Variants in ATP6V0B observed in about 807,000 individuals in gnomAD.
ATP6V0B encodes the protein V-type proton ATPase 21 kDa proteolipid subunit c''.
ATP6V0B carries 4 observed loss-of-function variants against 26.2 expected under a neutral mutation model. That is an observed-to-expected ratio of 0.15 (90% CI 0.08 to 0.35). The LOEUF (loss-of-function observed/expected upper bound fraction) is 0.35, where lower values mean the gene tolerates loss of function less well. Ranked by LOEUF, ATP6V0B falls within the 10% of genes least tolerant of loss-of-function variation. The pLI is 1.00. For synonymous variants in ATP6V0B, 110 were observed against 105.8 expected, an observed-to-expected ratio of 1.04 and a Z score of -0.24; for missense variants, 175 against 272.5, an observed-to-expected ratio of 0.64 and a Z score of 2.52.
Position 43,977,253 on chromosome 1 carries a change from C to T in ATP6V0B, c.591+37C>T, listed in dbSNP as rs1368868197. 4 of 1,614,170 alleles carry T rather than the reference C, an allele frequency of 2.5e-6. No individual in the cohort carries two copies. In the South Asian group the frequency reaches 3.3e-5, roughly 13 times the overall value. ...CCTTGGGAAGCCTCTGTGTCCTTGT[C>T]CCCAACCTAGCCTTACCCTCCTTCT... is the stretch of plus-strand genomic sequence containing the variant. On this transcript the variant is annotated intron_variant, in intron 7 of 7. Transcript: ENST00000472174.
rs771030788 is a variant in ATP6V0B at position 43,976,125 on chromosome 1, A to G, written c.152A>G (p.Asn51Ser). 25 of 1,613,846 alleles carry G rather than the reference A, an allele frequency of 1.5e-5. No homozygotes were observed. Among genetic ancestry groups the G allele is most frequent in the Middle Eastern group, 1.6e-4 (1 of 6,082 alleles). ...LTETSPFMWSNLGIGLAISLS... is the reference protein window; with the variant it reads ...LTETSPFMWSSLGIGLAISLS... The stretch of plus-strand genomic sequence containing the variant: ...GAGACTTCGCCCTTCATGTGGTCCA[A>G]CCTGGGCATTGGCCTAGCTATCTCC... Residue 51 changes from asparagine to serine, a missense_variant, in exon 3 of 8, where the codon AAC becomes AGC. This residue lies in a region of ATP6V0B where 75 missense variants were observed against 94.7 expected (regional missense o/e 0.79). Coordinates refer to ENST00000472174, the MANE Select transcript of ATP6V0B (RefSeq NM_004047.5). The surrounding 1 kb of genome is among the most constrained non-coding windows in gnomAD (Gnocchi z 4.6).
At position 43,975,980 on chromosome 1, in the gene ATP6V0B, T is replaced by C; in HGVS notation, c.117-110T>C. ...GGACCTTTGGGAAATACGCGGTCAG[T>C]TGTTGCCTGTAGAACTGGTGGTGGG... is the stretch of plus-strand genomic sequence containing the variant. On this transcript the variant is annotated intron_variant, in intron 2 of 7. Coordinates refer to ENST00000472174, the MANE Select transcript of ATP6V0B (RefSeq NM_004047.5). 4.6e-6 allele frequency: 7 copies of C among 1,519,586 alleles called. No homozygotes were observed. The East Asian group carries it at 6.8e-5, about 15-fold the overall frequency. 94.1% of individuals were successfully genotyped at this position (1,519,586 alleles called of 1,614,324 possible).
Position 43,975,842 on chromosome 1 carries a change from T to C in ATP6V0B, c.110T>C (p.Val37Ala). The change falls in exon 2 of 8, where the codon GTG becomes GCG. Residue 37 changes from valine (V) to alanine (A), a missense_variant. Val to Ala is a moderately conservative substitution (Grantham distance 64). Around this residue, in one of 3 missense-constraint regions of ATP6V0B, gnomAD observed 75 missense variants for 94.7 expected, o/e 0.79. Transcript: ENST00000472174. ...TIFDLGFRFDVAWFLTETSPF... is the reference protein window; with the variant it reads ...TIFDLGFRFDAAWFLTETSPF... ...TTTGATTTGGGCTTCCGCTTTGATGTGGCATGGTAAGGGAGGGCAGGGGGA... is the reference window on the plus strand; with the variant it reads ...TTTGATTTGGGCTTCCGCTTTGATGCGGCATGGTAAGGGAGGGCAGGGGGA... 3 of 1,599,936 alleles carry C rather than the reference T, an allele frequency of 1.9e-6. No individual in the cohort carries two copies. The highest frequency in any genetic ancestry group is 2.6e-6 in the Non-Finnish European group (3 of 1,172,000).
chr1:43,975,980 T>G, intron 2 of ATP6V0B, 110 bp from the exon 3 acceptor site: 2 of 1,519,586 alleles, frequency 1.3e-6, no homozygotes, highest in Non-Finnish European at 1.8e-6. Context: ...ACGCGGTCAG[T>G]TGTTGCCTGT....
rs1231258428 is a variant in ATP6V0B at position 43,977,468 on chromosome 1, G to C, written c.591+252G>C. 6.3e-6 allele frequency: 9 copies of C among 1,431,222 alleles called. No individual in the cohort carries two copies. In the East Asian group the frequency reaches 2.3e-4, roughly 36 times the overall value. 88.7% of individuals were successfully genotyped at this position (1,431,222 alleles called of 1,614,324 possible). On this transcript the variant is annotated intron_variant, in intron 7 of 7. Transcript: ENST00000472174. ...ATGCGTTGTATCTGTATAGCACTTAGTCCTCCCTCTTTCTGTTCTCTCATT... is the reference window on the plus strand; with the variant it reads ...ATGCGTTGTATCTGTATAGCACTTACTCCTCCCTCTTTCTGTTCTCTCATT...
At position 43,978,222 on chromosome 1, in the gene ATP6V0B, C is replaced by T; in HGVS notation, c.*215C>T. 3 of 639,200 alleles carry T rather than the reference C, an allele frequency of 4.7e-6. No individual in the cohort carries two copies. Among genetic ancestry groups the T allele is most frequent in the Admixed American group, 5.5e-5 (2 of 36,166 alleles). 39.6% of individuals were successfully genotyped at this position (639,200 alleles called of 1,614,324 possible). A position where few individuals can be genotyped will look rare whatever the true frequency, so the allele number is the denominator to read the frequency against. On this transcript the variant is annotated 3_prime_UTR_variant, in exon 8 of 8. Transcript: ENST00000472174. ...GCTGCTGACTCTGTGCAGCTGCGCA[C>T]CTGTGTCCCCCACCTCCACCCTCAA...
chr1:43,975,277 T>C (rs1160825413), intron 1 of ATP6V0B, 170 bp downstream of exon 1: 1 of 873,180 alleles, frequency 1.1e-6, no homozygotes, highest in East Asian at 3.0e-5. Flanking sequence ...GAGACCCGGA[T>C]TTCCAGCTGC....
chr1:43,975,908 T>C, intron 2 of ATP6V0B, 60 bp downstream of exon 2: 7 of 1,538,532 alleles, frequency 4.5e-6, no homozygotes, highest in Non-Finnish European at 6.2e-6. Context: ...CTCTCTTCTT[T>C]TCTCTGGTCT....
Position 43,977,095 on chromosome 1 carries a change from T to C in ATP6V0B, c.470T>C (p.Ile157Thr). The C allele has an allele frequency of 6.2e-7, 1 of 1,614,224 alleles. No individual in the cohort carries two copies. Among genetic ancestry groups the C allele is most frequent in the Non-Finnish European group, 8.5e-7 (1 of 1,180,030 alleles). Residue 157 changes from isoleucine to threonine, a missense_variant, in exon 7 of 8, where the codon ATC becomes ACC. By Grantham distance (89) the Ile-to-Thr change is moderately conservative. Around this residue, in one of 3 missense-constraint regions of ATP6V0B, gnomAD observed 97 missense variants for 158.0 expected, o/e 0.61. Coordinates refer to ENST00000472174, the MANE Select transcript of ATP6V0B (RefSeq NM_004047.5). ...CTCTTCTGTGGAGTCTGCGTGGGCA[T>C]CGTGGGCAGTGGGGCTGCCCTGGCC... ...SNLFCGVCVG[I>T]VGSGAALADA...
intron 7 of ATP6V0B, 135 bp downstream of exon 7, chr1:43,977,351 C>T (rs771277832): frequency 2.6e-6 from 4 of 1,556,586 alleles, no homozygotes; most frequent in Non-Finnish European, 3.5e-6. Flanking sequence ...CTCCTCATTT[C>T]CATCTTCTGG....
In ATP6V0B at chr1:43,976,890, C is replaced by T; in HGVS notation, c.400+66C>T. 1 of 1,605,402 alleles carries T rather than the reference C, an allele frequency of 6.2e-7. No homozygotes were observed. The highest frequency in any genetic ancestry group is 2.2e-5 in the East Asian group (1 of 44,838). Reference sequence around the variant, plus strand: ...ATGCCTGCTTCCACTCTCCCCCATCCCAGCTTGGGCCATCATTTTGATATT... The same window carrying T: ...ATGCCTGCTTCCACTCTCCCCCATCTCAGCTTGGGCCATCATTTTGATATT... On this transcript the variant is annotated intron_variant, in intron 6 of 7. Coordinates refer to ENST00000472174, the MANE Select transcript of ATP6V0B (RefSeq NM_004047.5). This position sits in a 1 kb window ranked among gnomAD's most constrained non-coding sequence, Gnocchi z 4.6.
Position 43,976,683 on chromosome 1 carries a change from G to A in ATP6V0B, c.348+24G>A, listed in dbSNP as rs372745081. On this transcript the variant is annotated intron_variant, in intron 5 of 7. Transcript: ENST00000472174. This position sits in a 1 kb window ranked among gnomAD's most constrained non-coding sequence, Gnocchi z 4.6. ...AGGTATGGAAGGCCAGGGTGGTGGC[G>A]GGAATCCATTCCAGTGTGTTCTACA... 7.1e-5 allele frequency: 114 copies of A among 1,613,850 alleles called. No homozygotes were observed. The Admixed American group carries it at 1.5e-3, about 22-fold the overall frequency.
chr1:43,975,216 A>T, intron 1 of ATP6V0B, 109 bp downstream of exon 1: 1 of 1,283,586 alleles, frequency 7.8e-7, no homozygotes, highest in East Asian at 3.0e-5. Context: ...CGCGCTCTGC[A>T]CCCGAGGCTC....
Position 43,978,037 on chromosome 1 carries a change from C to A in ATP6V0B, c.*30C>A, listed in dbSNP as rs56842927. On this transcript the variant is annotated 3_prime_UTR_variant, in exon 8 of 8. Coordinates refer to ENST00000472174, the MANE Select transcript of ATP6V0B (RefSeq NM_004047.5). Reference sequence around the variant, plus strand: ...TATGTGTGGGTGGGGCCGTGCCTCACTTTTATTTATTGCTGGTTTTCCTGG... The same window carrying A: ...TATGTGTGGGTGGGGCCGTGCCTCAATTTTATTTATTGCTGGTTTTCCTGG... 3,163 of 1,614,166 alleles carry A rather than the reference C, an allele frequency of 2.0e-3. 58 individuals are homozygous for A. The African/African-American group carries it at 0.038, about 19-fold the overall frequency.
Position 43,977,179 on chromosome 1 carries a change from C to T in ATP6V0B, c.554C>T (p.Ala185Val). 6.2e-7 allele frequency: 1 copy of T among 1,614,246 alleles called. No individual in the cohort carries two copies. ...CTCATCGTGGAGATCTTTGGCAGCG[C>T]CATTGGCCTCTTTGGGGTCATCGTC... Reference protein sequence around the residue: ...KILIVEIFGSAIGLFGVIVAI... With the variant: ...KILIVEIFGSVIGLFGVIVAI... The change falls in exon 7 of 8, where the codon GCC (alanine) becomes GTC (valine). Residue 185 changes from alanine (A) to valine (V), a missense_variant. Transcript: ENST00000472174.
rs2085546312 is a variant in ATP6V0B, at chr1:43,978,134, C to G, written c.*127C>G. On this transcript the variant is annotated 3_prime_UTR_variant, in exon 8 of 8. Transcript: ENST00000472174. ...GGGCCCTCCCTGCACTCCCCTCTTG[C>G]TGCGTGTTGATTTGGAGGCACTGCA... 1.4e-6 allele frequency: 2 copies of G among 1,385,042 alleles called. No homozygotes were observed. Among genetic ancestry groups the G allele is most frequent in the Non-Finnish European group, 2.0e-6 (2 of 980,238 alleles). 85.8% of individuals were successfully genotyped at this position (1,385,042 alleles called of 1,614,324 possible).
At chr1:43,975,580 C>T (rs996410763) in intron 1 of ATP6V0B, 1 of 616,706 alleles carries the variant, frequency 1.6e-6, no homozygotes. Context: ...GCGACCCTGC[C>T]TGCGCAGGTG....
At position 43,975,845 on chromosome 1, in the gene ATP6V0B, C is replaced by T. The variant is rs751591427; in HGVS notation, c.113C>T (p.Ala38Val). ...IFDLGFRFDV[A>V]WFLTETSPFM... is the part of the protein sequence containing the mutation. ...GATTTGGGCTTCCGCTTTGATGTGG[C>T]ATGGTAAGGGAGGGCAGGGGGAGGA... The change falls in exon 2 of 8, where the codon GCA becomes GTA. Residue 38 changes from alanine to valine, a missense_variant. Transcript: ENST00000472174. The T allele has an allele frequency of 1.3e-6, 2 of 1,599,236 alleles. No homozygotes were observed. The highest frequency in any genetic ancestry group is 1.7e-6 in the Non-Finnish European group (2 of 1,171,672).
chr1:43,976,152 T>C lies in ATP6V0B; in HGVS notation c.179T>C (p.Leu60Pro). 1 of 1,613,960 alleles carries C rather than the reference T, an allele frequency of 6.2e-7. No individual in the cohort carries two copies. Among genetic ancestry groups the C allele is most frequent in the South Asian group, 1.1e-5 (1 of 91,064 alleles). ...SNLGIGLAIS[L>P]SVVGAAWGIY... ...CTGGGCATTGGCCTAGCTATCTCCCTGTCTGTGGTTGGGGCAGCCTGGTGA... is the reference window on the plus strand; with the variant it reads ...CTGGGCATTGGCCTAGCTATCTCCCCGTCTGTGGTTGGGGCAGCCTGGTGA... The change falls in exon 3 of 8, where the codon CTG becomes CCG. Residue 60 changes from leucine to proline, a missense_variant. Transcript: ENST00000472174. This position sits in a 1 kb window ranked among gnomAD's most constrained non-coding sequence, Gnocchi z 4.6.
Sources: gnomAD v4.1 joint callset for allele counts on GRCh38, gnomAD v4.1.1 for gene constraint, gnomAD v4.1.1 regional missense constraint, Gnocchi (gnomAD v3.1) non-coding constraint, MANE v1.5 for transcripts, NCBI Gene and HGNC (gene_info 2026-07-23, HGNC 2026-07-21) for gene names.